Variants in CTNNA2 observed in about 807,000 individuals in gnomAD.
The protein encoded by CTNNA2 is catenin alpha-2.
A neutral mutation model predicts 101.0 loss-of-function variants in CTNNA2; 42 were observed. The ratio of observed to expected loss-of-function variants is 0.42; its 90% CI spans 0.32 to 0.54. CTNNA2 has a LOEUF of 0.54. Among genes scored for constraint, CTNNA2 ranks in the 20% least tolerant of loss-of-function variants. The pLI is 0.14. For synonymous variants in CTNNA2, 450 were observed against 456.4 expected (o/e 0.99, Z 0.18); for missense variants, 871 against 1,223.1 (o/e 0.71, Z 4.29).
At chr2:80,185,253 G>A (rs1391380080) in intron 7 of CTNNA2, among the ~76,000 whole-genome samples, 2 of 152,166 alleles carry the variant, frequency 1.3e-5, no homozygotes, top group Non-Finnish European at 2.9e-5. Context: ...TGCCAAATGG[G>A]CTGCTCTGTA....
At chr2:80,492,249 G>A (rs1687121915) in intron 9 of CTNNA2, among the ~76,000 whole-genome samples, 2 of 152,108 alleles carry the variant, frequency 1.3e-5, no homozygotes, top group Admixed American at 1.3e-4. Context: ...CTCCTGACAT[G>A]TAAGACATGC....
chr2:80,007,314 T>G (rs140395582), intron 7 of CTNNA2, among the ~76,000 whole-genome samples: 142 of 152,280 alleles, frequency 9.3e-4, no homozygotes, highest in Non-Finnish European at 1.6e-3. Context: ...TATCCAAGTT[T>G]TTCCTTTTCC....
At chr2:80,173,738 C>A (rs963498713) in intron 7 of CTNNA2, among the ~76,000 whole-genome samples, 1 of 152,058 alleles carries the variant, frequency 6.6e-6, no homozygotes, top group African/African-American at 2.4e-5. Context: ...CAAGGGAAGG[C>A]CTAGGGTGCA....
At chr2:79,867,333 T>TTCTG (rs1553387554) in intron 4 of CTNNA2, among the ~76,000 whole-genome samples, 4 of 150,794 alleles carry the variant, frequency 2.7e-5, no homozygotes, top group Non-Finnish European at 4.4e-5. Flanking sequence ...CCCTTCAATA[T>TTCTG]TCTATCTATC....
rs13425091 is a variant in CTNNA2 at position 79,362,878 on chromosome 2, C to T, written c.-317-10953C>T. 2.2e-3 allele frequency among the ~76,000 whole-genome samples: 329 copies of T among 152,210 alleles called. 3 individuals carry two copies. Among genetic ancestry groups the T allele is most frequent in the African/African-American group, 7.3e-3 (305 of 41,526 alleles). On this transcript the variant is annotated intron_variant, in intron 3 of 21. Transcript: ENST00000466387. ...AGAAGTAAACATTTTTGTTTCAAGC[C>T]GCAGAGACTGGGGACTATTTGTTAC...
chr2:80,164,136 G>C (rs1704512174), intron 7 of CTNNA2, among the ~76,000 whole-genome samples: 2 of 151,662 alleles, frequency 1.3e-5, no homozygotes, highest in South Asian at 2.1e-4. Flanking sequence ...GCATATTTAG[G>C]TTATTTGCAT....
intron 6 of CTNNA2, among the ~76,000 whole-genome samples, chr2:79,901,285 T>C (rs974718272): frequency 6.6e-6 from 1 of 151,982 alleles, no homozygotes; most frequent in African/African-American, 2.4e-5. Context: ...TTATTCTTTC[T>C]TCTGCTTGCT....
At chr2:79,521,848 C>T (rs545270871) in intron 1 of CTNNA2, among the ~76,000 whole-genome samples, 56 of 152,174 alleles carry the variant, frequency 3.7e-4, no homozygotes, top group African/African-American at 1.3e-3. Context: ...GATTCTAGCC[C>T]ACAGCATGAA....
chr2:80,609,321 CT>C (rs1199915380), intron 17 of CTNNA2, among the ~76,000 whole-genome samples: 1 of 151,810 alleles, frequency 6.6e-6, no homozygotes, highest in Non-Finnish European at 1.5e-5. Context: ...TTGAACCCAA[CT>C]GTTTTTGTTC....
At chr2:80,098,767 C>T (rs1700346209) in intron 7 of CTNNA2, among the ~76,000 whole-genome samples, 1 of 152,168 alleles carries the variant, frequency 6.6e-6, no homozygotes, top group South Asian at 2.1e-4. Context: ...GCTGTGCTAG[C>T]AATGAGGGAG....
intron 15 of CTNNA2, among the ~76,000 whole-genome samples, chr2:80,590,480 T>A (rs1330549148): frequency 6.6e-6 from 1 of 152,178 alleles, no homozygotes; most frequent in Admixed American, 6.5e-5. Context: ...TTTTAATGAT[T>A]TAACGTGGCA....
chr2:80,022,929 C>G (rs1694672912), intron 7 of CTNNA2, among the ~76,000 whole-genome samples: 1 of 152,170 alleles, frequency 6.6e-6, no homozygotes, highest in Non-Finnish European at 1.5e-5. Flanking sequence ...CTTTACCAAG[C>G]CTAAGATCTC....
intron 9 of CTNNA2, among the ~76,000 whole-genome samples, chr2:80,492,474 C>T (rs1448864300): frequency 6.6e-6 from 1 of 152,218 alleles, no homozygotes; most frequent in Non-Finnish European, 1.5e-5. Flanking sequence ...TATACACATT[C>T]ATGCTACTTC....
At chr2:79,633,047 A>C (rs933298903) in intron 1 of CTNNA2, among the ~76,000 whole-genome samples, 1 of 152,260 alleles carries the variant, frequency 6.6e-6, no homozygotes, top group Non-Finnish European at 1.5e-5. Context: ...AAGTACCACA[A>C]GTCCATCAGT....
At chr2:80,467,659 T>C (rs904309332) in intron 9 of CTNNA2, among the ~76,000 whole-genome samples, 1 of 152,198 alleles carries the variant, frequency 6.6e-6, no homozygotes, top group Non-Finnish European at 1.5e-5. Flanking sequence ...AGTCTGAATG[T>C]TTATGTCTTC....
intron 4 of CTNNA2, among the ~76,000 whole-genome samples, chr2:79,401,756 CT>C (rs1207808005): frequency 2.0e-5 from 3 of 151,356 alleles, no homozygotes; most frequent in Non-Finnish European, 4.4e-5. Flanking sequence ...AATGACTACC[CT>C]ATCCATAATT....
intron 3 of CTNNA2, among the ~76,000 whole-genome samples, chr2:79,750,821 A>G (rs12998824): frequency 0.69 from 103,422 of 150,890 alleles, 37,603 homozygotes; most frequent in East Asian, 0.99. Flanking sequence ...GCAGTGAACC[A>G]AGATCTTGCC....
chr2:79,744,319 T>C (rs1435039292), intron 2 of CTNNA2, 68 bp from the exon 3 acceptor site: 4 of 1,416,140 alleles, frequency 2.8e-6, no homozygotes, highest in Non-Finnish European at 3.8e-6. Context: ...ATTTAGAAAT[T>C]ATGAGATAAC....
intron 18 of CTNNA2, among the ~76,000 whole-genome samples, chr2:80,625,545 T>C (rs780613915): frequency 1.3e-5 from 2 of 152,080 alleles, no homozygotes; most frequent in African/African-American, 2.4e-5. Context: ...TCATTTTTTG[T>C]ATGACACTTA....
Sources: allele counts gnomAD v4.1 joint callset (sites outside exome capture counted in the v4.1 genomes callset), GRCh38; gene constraint gnomAD v4.1.1; transcripts MANE v1.5; gene names NCBI Gene and HGNC (gene_info 2026-07-23, HGNC 2026-07-21).